The following KCTD8 variants were observed in gnomAD, a reference collection of about 807,000 sequenced individuals.
The protein encoded by KCTD8 is BTB/POZ domain-containing protein KCTD8.
Under a neutral mutation model 31.5 loss-of-function variants are expected in KCTD8, and 27 were observed. The observed-to-expected ratio is 0.86, with a 90% CI of 0.63 to 1.18. The LOEUF is 1.18. Ranked by LOEUF, KCTD8 falls within the 50% of genes most tolerant of loss-of-function variation. The pLI, the probability that KCTD8 is intolerant of heterozygous loss-of-function variation, is 0.00. For missense variants in KCTD8, 658 were observed against 647.7 expected (o/e 1.02, Z -0.17); for synonymous variants, 290 against 280.0 (o/e 1.04, Z -0.36).
intron 1 of KCTD8, among the ~76,000 whole-genome samples, chr4:44,196,557 A>C (rs1713947085): frequency 6.6e-6 from 1 of 152,190 alleles, no homozygotes; most frequent in South Asian, 2.1e-4. Context: ...CTGACTCTTC[A>C]GGTGAATTGT....
At chr4:44,418,867 G>A (rs1721142281) in intron 1 of KCTD8, among the ~76,000 whole-genome samples, 1 of 152,168 alleles carries the variant, frequency 6.6e-6, no homozygotes, top group African/African-American at 2.4e-5. Context: ...CTAAAAAGTA[G>A]TTATCATTAC....
chr4:44,361,101 T>C (rs1311609426), intron 1 of KCTD8, among the ~76,000 whole-genome samples: 2 of 151,956 alleles, frequency 1.3e-5, no homozygotes, highest in Non-Finnish European at 2.9e-5. Context: ...CTTCAAGTTT[T>C]TCACTGACAT....
intron 1 of KCTD8, among the ~76,000 whole-genome samples, chr4:44,440,403 C>A (rs1336516579): frequency 6.6e-6 from 1 of 152,108 alleles, no homozygotes; most frequent in African/African-American, 2.4e-5. Flanking sequence ...CATGTCATTA[C>A]TCCTGCTTTT....
intron 1 of KCTD8, among the ~76,000 whole-genome samples, chr4:44,400,969 T>C (rs1720635746): frequency 1.3e-5 from 2 of 150,712 alleles, no homozygotes; most frequent in Admixed American, 1.3e-4. Context: ...TCCAAGTAGC[T>C]AGGACCACAG....
At chr4:44,292,914 T>C (rs963399048) in intron 1 of KCTD8, among the ~76,000 whole-genome samples, 1 of 152,118 alleles carries the variant, frequency 6.6e-6, no homozygotes, top group African/African-American at 2.4e-5. Context: ...TTCTATTGTT[T>C]GTTTACATAG....
Position 44,228,848 on chromosome 4 carries a change from G to A in KCTD8, c.962-53598C>T, listed in dbSNP as rs1317304520. On this transcript the variant is annotated intron_variant, in intron 1 of 1. Coordinates refer to ENST00000360029, the MANE Select transcript of KCTD8 (RefSeq NM_198353.3). ...TAAAGAGTTTCAATAAAGAATTGGT[G>A]AATGAATTGTGCTTTATATAAAGTA... 4.6e-5 allele frequency among the ~76,000 whole-genome samples: 7 copies of A among 152,272 alleles called. No individual in the cohort carries two copies. In the East Asian group the frequency reaches 7.7e-4, roughly 17 times the overall value.
At chr4:44,184,079 C>T (rs1033088086) in intron 1 of KCTD8, among the ~76,000 whole-genome samples, 3 of 152,182 alleles carry the variant, frequency 2.0e-5, no homozygotes, top group Admixed American at 6.5e-5. Flanking sequence ...CACATGTGCA[C>T]ACACACCTGC....
At chr4:44,331,177 C>T (rs1718582181) in intron 1 of KCTD8, among the ~76,000 whole-genome samples, 2 of 151,762 alleles carry the variant, frequency 1.3e-5, no homozygotes, top group South Asian at 2.1e-4. Context: ...TTGAAGCTGT[C>T]TTTTCCTTCT....
intron 1 of KCTD8, among the ~76,000 whole-genome samples, chr4:44,354,487 C>T (rs1359506568): frequency 2.0e-5 from 3 of 152,146 alleles, no homozygotes; most frequent in Non-Finnish European, 4.4e-5. Flanking sequence ...GTCCAGATCA[C>T]ATCCGTACGG....
rs534538157 is a variant in KCTD8 at position 44,310,935 on chromosome 4, A to T, written c.962-135685T>A. On this transcript the variant is annotated intron_variant, in intron 1 of 1. Transcript: ENST00000360029. ...TTTCACACTAGCTGGAATGTCAAGTATATAGATCACAAGACCAGAACAAAG... is the reference window on the plus strand; with the variant it reads ...TTTCACACTAGCTGGAATGTCAAGTTTATAGATCACAAGACCAGAACAAAG... Among the ~76,000 whole-genome samples the T allele has an allele frequency of 3.3e-5, 5 of 152,224 alleles. No homozygotes were observed. The South Asian group carries it at 8.3e-4, about 25-fold the overall frequency.
chr4:44,271,751 C>A (rs186653298), intron 1 of KCTD8, among the ~76,000 whole-genome samples: 2 of 152,266 alleles, frequency 1.3e-5, no homozygotes, highest in East Asian at 3.9e-4. Context: ...CGGCCCATCC[C>A]TTTGTTTCCC....
At chr4:44,272,800 G>A (rs1394625524) in intron 1 of KCTD8, among the ~76,000 whole-genome samples, 2 of 151,984 alleles carry the variant, frequency 1.3e-5, no homozygotes, top group African/African-American at 2.4e-5. Context: ...ACATATCACT[G>A]GAACTACTGA....
intron 1 of KCTD8, among the ~76,000 whole-genome samples, chr4:44,271,906 T>C (rs1286863901): frequency 6.6e-6 from 1 of 152,028 alleles, no homozygotes; most frequent in African/African-American, 2.4e-5. Context: ...CCACAAGCTA[T>C]ATTTCTGTGT....
chr4:44,260,533 C>T (rs1254550238), intron 1 of KCTD8, among the ~76,000 whole-genome samples: 2 of 151,792 alleles, frequency 1.3e-5, no homozygotes, highest in African/African-American at 4.8e-5. Flanking sequence ...ATAGGGTGGT[C>T]ACAGAATGTT....
intron 1 of KCTD8, among the ~76,000 whole-genome samples, chr4:44,320,200 G>T (rs1385043126): frequency 3.0e-5 from 2 of 66,566 alleles, no homozygotes; most frequent in Non-Finnish European, 5.8e-5. Flanking sequence ...AAAAAAAAAA[G>T]AGAGAGAGAA....
chr4:44,333,477 A>C (rs17599619), intron 1 of KCTD8, among the ~76,000 whole-genome samples: 9,321 of 152,132 alleles, frequency 0.061, 451 homozygotes, highest in Admixed American at 0.15. Context: ...GTATCAATCA[A>C]CAAAGGCAGA....
At chr4:44,304,166 C>T (rs978620668) in intron 1 of KCTD8, among the ~76,000 whole-genome samples, 1 of 152,052 alleles carries the variant, frequency 6.6e-6, no homozygotes, top group African/African-American at 2.4e-5. Context: ...TATCATACTC[C>T]ATTTTCCCCA....
At chr4:44,212,777 T>G (rs958772738) in intron 1 of KCTD8, among the ~76,000 whole-genome samples, 2 of 152,230 alleles carry the variant, frequency 1.3e-5, no homozygotes, top group South Asian at 2.1e-4. Flanking sequence ...CATGTTTTAA[T>G]CTCATCTAAA....
chr4:44,365,270 T>A (rs1719601760), intron 1 of KCTD8, among the ~76,000 whole-genome samples: 1 of 152,066 alleles, frequency 6.6e-6, no homozygotes, highest in Admixed American at 6.6e-5. Context: ...ATAAAAAAAA[T>A]TGTGAACGGT....
Sources: allele counts gnomAD v4.1 joint callset (sites outside exome capture counted in the v4.1 genomes callset), GRCh38; gene constraint gnomAD v4.1.1; transcripts MANE v1.5; gene names NCBI Gene and HGNC (gene_info 2026-07-23, HGNC 2026-07-21).